PRKCI: variants seen among roughly 807,000 people sequenced by gnomAD.
PRKCI encodes the protein protein kinase C iota.
A neutral mutation model predicts 84.0 loss-of-function variants in PRKCI; 43 were observed. The ratio of observed to expected loss-of-function variants is 0.51; its 90% CI spans 0.40 to 0.66. The LOEUF (loss-of-function observed/expected upper bound fraction) is 0.66, where lower values mean the gene tolerates loss of function less well. PRKCI is among the 30% of genes least tolerant of loss of function. The probability of loss-of-function intolerance (pLI) is 0.00; values close to 1 mark genes in which losing one functional copy is unlikely to be tolerated. For missense variants in PRKCI, 459 were observed against 745.6 expected (o/e 0.62, Z 4.48); for synonymous variants, 216 against 234.4 (o/e 0.92, Z 0.72).
intron 1 of PRKCI, among the ~76,000 whole-genome samples, chr3:170,233,500 A>C (rs1732858096): frequency 6.6e-6 from 1 of 152,182 alleles, no homozygotes. Flanking sequence ...AATTTGTTTT[A>C]TACCTTTAGA....
At chr3:170,288,586 T>TA (rs752349332) in intron 12 of PRKCI, among the ~76,000 whole-genome samples, 3 of 151,668 alleles carry the variant, frequency 2.0e-5, no homozygotes, top group Non-Finnish European at 4.4e-5. Context: ...CCATCTCTGC[T>TA]AAAACCACAA....
intron 1 of PRKCI, among the ~76,000 whole-genome samples, chr3:170,231,172 G>A (rs919494727): frequency 6.6e-6 from 1 of 151,722 alleles, no homozygotes; most frequent in African/African-American, 2.4e-5. Context: ...TGTTGGCCAG[G>A]CTGGTCTGGA....
intron 2 of PRKCI, among the ~76,000 whole-genome samples, chr3:170,252,117 G>A (rs754764916): frequency 6.6e-5 from 10 of 151,882 alleles, no homozygotes; most frequent in Non-Finnish European, 1.0e-4. Context: ...GGGAGGCTGA[G>A]GCAGGAAAAT....
chr3:170,277,013 G>C (rs539214352), intron 8 of PRKCI, among the ~76,000 whole-genome samples: 122 of 151,878 alleles, frequency 8.0e-4, no homozygotes, highest in African/African-American at 2.9e-3. Flanking sequence ...GGCAGAGTCA[G>C]GCAGATCACT....
At chr3:170,265,819 T>C (rs144178920) in intron 4 of PRKCI, among the ~76,000 whole-genome samples, 60 of 151,864 alleles carry the variant, frequency 4.0e-4, no homozygotes, top group African/African-American at 1.4e-3. Context: ...GTATTTTTAG[T>C]AGAGTGCTAG....
At chr3:170,239,674 A>G (rs1733070224) in intron 2 of PRKCI, among the ~76,000 whole-genome samples, 2 of 151,704 alleles carry the variant, frequency 1.3e-5, no homozygotes, top group African/African-American at 4.8e-5. Flanking sequence ...CATGTCCTCC[A>G]AGAAGCCTTC....
chr3:170,237,934 T>C (rs1733021885), intron 2 of PRKCI, among the ~76,000 whole-genome samples: 1 of 152,242 alleles, frequency 6.6e-6, no homozygotes, highest in African/African-American at 2.4e-5. Context: ...AACGTGTATG[T>C]ATGTTTCTAT....
chr3:170,273,349 G>A lies in PRKCI; in HGVS notation c.646+9G>A. On this transcript the variant is annotated intron_variant, in intron 7 of 17. Transcript: ENST00000295797. ...TGACCATGCACAGACAGGTAAGAGT[G>A]GTGCTGGCACAACCCATTGTTCATT... 6.2e-7 allele frequency: 1 copy of A among 1,612,278 alleles called. No homozygotes were observed. Among genetic ancestry groups the A allele is most frequent in the East Asian group, 2.2e-5 (1 of 44,850 alleles).
At chr3:170,272,243 C>T (rs1020247024) in intron 6 of PRKCI, among the ~76,000 whole-genome samples, 12 of 152,132 alleles carry the variant, frequency 7.9e-5, no homozygotes, top group Admixed American at 7.9e-4. Context: ...GCTATCTAAG[C>T]ACACTGCCTA....
intron 2 of PRKCI, among the ~76,000 whole-genome samples, chr3:170,237,383 A>G (rs1733005134): frequency 6.6e-6 from 1 of 152,116 alleles, no homozygotes; most frequent in South Asian, 2.1e-4. Flanking sequence ...TACCCTAAAG[A>G]AAGGGTGGGT....
At chr3:170,292,569 C>T (rs1004567302) in intron 13 of PRKCI, among the ~76,000 whole-genome samples, 4 of 152,174 alleles carry the variant, frequency 2.6e-5, no homozygotes, top group African/African-American at 9.7e-5. Flanking sequence ...CTGTCCTTCA[C>T]TGGTCTTTAT....
intron 3 of PRKCI, among the ~76,000 whole-genome samples, chr3:170,262,906 C>T (rs1733766731): frequency 6.7e-6 from 1 of 149,640 alleles, no homozygotes; most frequent in Non-Finnish European, 1.5e-5. Flanking sequence ...CGCGGTGACT[C>T]ACGCCTGTAA....
intron 4 of PRKCI, among the ~76,000 whole-genome samples, chr3:170,263,825 G>A (rs1179754481): frequency 6.6e-6 from 1 of 151,930 alleles, no homozygotes; most frequent in Admixed American, 6.6e-5. Context: ...GGAAATAGAA[G>A]TTCTAATTCA....
At chr3:170,230,280 C>T (rs1418569131) in intron 1 of PRKCI, among the ~76,000 whole-genome samples, 4 of 151,996 alleles carry the variant, frequency 2.6e-5, no homozygotes, top group African/African-American at 4.8e-5. Flanking sequence ...ATCCTCCTGC[C>T]TCAGCCTCCT....
rs199720571 is a variant in PRKCI, at chr3:170,303,407, TA to T, written c.*294del. On this transcript the variant is annotated 3_prime_UTR_variant, in exon 18 of 18. Transcript: ENST00000295797. Reference sequence around the variant, plus strand: ...GAGTAATGAAGTTATCTTTTTTGTTTAAAAAAAAAAAAAACACTGCATTAAA... The same window carrying T: ...GAGTAATGAAGTTATCTTTTTTGTTTAAAAAAAAAAAAACACTGCATTAAA... 0.055 allele frequency: 12,756 copies of T among 231,868 alleles called. 120 individuals are homozygous for T. Among genetic ancestry groups the T allele is most frequent in the East Asian group, 0.094 (1,446 of 15,460 alleles). 14.4% of individuals were successfully genotyped at this position (231,868 alleles called of 1,614,324 possible).
chr3:170,264,046 A>C (rs1733798781), intron 4 of PRKCI, among the ~76,000 whole-genome samples: 1 of 152,204 alleles, frequency 6.6e-6, no homozygotes, highest in South Asian at 2.1e-4. Context: ...CATGGAAAAC[A>C]AGGATACCTA....
intron 2 of PRKCI, among the ~76,000 whole-genome samples, chr3:170,241,067 CAG>C (rs138422967): frequency 0.02 from 2,978 of 151,980 alleles, 43 homozygotes; most frequent in East Asian, 0.085. Flanking sequence ...TTTTAATTAA[CAG>C]ATAATAATTG....
intron 5 of PRKCI, among the ~76,000 whole-genome samples, chr3:170,269,142 T>G (rs1050235737): frequency 6.6e-6 from 1 of 152,200 alleles, no homozygotes; most frequent in East Asian, 1.9e-4. Flanking sequence ...CTCAAACTCC[T>G]GACCTCGCGT....
intron 12 of PRKCI, among the ~76,000 whole-genome samples, chr3:170,289,978 C>T (rs1376207915): frequency 2.0e-5 from 3 of 151,660 alleles, no homozygotes; most frequent in African/African-American, 7.3e-5. Context: ...GAGGCTGAGG[C>T]GTGAGAATCA....
Sources: allele counts gnomAD v4.1 joint callset (sites outside exome capture counted in the v4.1 genomes callset), GRCh38; gene constraint gnomAD v4.1.1; transcripts MANE v1.5; gene names NCBI Gene and HGNC (gene_info 2026-07-23, HGNC 2026-07-21).